The following NDUFAF6 variants were observed in gnomAD, a reference collection of about 807,000 sequenced individuals.
The protein encoded by NDUFAF6 is NADH dehydrogenase (ubiquinone) complex I, assembly factor 6.
Under a neutral mutation model 40.8 loss-of-function variants are expected in NDUFAF6, and 45 were observed. That is an observed-to-expected ratio of 1.10 (90% confidence interval 0.87 to 1.42). The LOEUF is 1.42. Among genes scored for constraint, NDUFAF6 ranks in the 40% most tolerant of loss-of-function variants. The pLI, the probability that NDUFAF6 is intolerant of heterozygous loss-of-function variation, is 0.00. For missense variants in NDUFAF6, 435 were observed against 418.5 expected (o/e 1.04, Z -0.34); for synonymous variants, 185 against 155.9 (o/e 1.19, Z -1.39).
intron 7 of NDUFAF6, among the ~76,000 whole-genome samples, chr8:95,051,499 G>A (rs1227340661): frequency 6.6e-6 from 1 of 152,128 alleles, no homozygotes; most frequent in Non-Finnish European, 1.5e-5. Flanking sequence ...GAAGTAGAGG[G>A]CTTTTCCTGG....
chr8:95,098,069 A>T (rs1474795790), upstream of NDUFAF6, among the ~76,000 whole-genome samples: 1 of 151,500 alleles, frequency 6.6e-6, no homozygotes, highest in African/African-American at 2.4e-5. Flanking sequence ...AGAGCAGCTC[A>T]TGTCTTGGTG....
At chr8:94,977,458 G>A (rs145329668) in intron 1 of NDUFAF6, among the ~76,000 whole-genome samples, 1 of 151,336 alleles carries the variant, frequency 6.6e-6, no homozygotes, top group Non-Finnish European at 1.5e-5. Context: ...GGGACATTGA[G>A]GCTGCTGTGA....
intron 1 of NDUFAF6, chr8:94,940,282 T>C: frequency 1.3e-6 from 2 of 1,520,928 alleles, no homozygotes; most frequent in Non-Finnish European, 1.8e-6. Flanking sequence ...GGAGGATGAT[T>C]ATCACATTGG....
chr8:94,944,558 A>G (rs1198051317), intron 1 of NDUFAF6, among the ~76,000 whole-genome samples: 1 of 152,196 alleles, frequency 6.6e-6, no homozygotes, highest in African/African-American at 2.4e-5. Flanking sequence ...GATGTCCCAT[A>G]TCTCTGCAAG....
chr8:94,918,091 T>C (rs1249400349), intron 1 of NDUFAF6, among the ~76,000 whole-genome samples: 1 of 152,084 alleles, frequency 6.6e-6, no homozygotes, highest in Non-Finnish European at 1.5e-5. Context: ...ATATTTGTAA[T>C]TTTTTTTCCA....
At chr8:94,901,740 C>A (rs1209972899) in intron 1 of NDUFAF6, among the ~76,000 whole-genome samples, 2 of 152,128 alleles carry the variant, frequency 1.3e-5, no homozygotes, top group African/African-American at 4.8e-5. Flanking sequence ...CGTCACCATT[C>A]CTGGCTAAGT....
chr8:94,959,075 A>G (rs1309288452), intron 1 of NDUFAF6, among the ~76,000 whole-genome samples: 1 of 151,702 alleles, frequency 6.6e-6, no homozygotes, highest in Non-Finnish European at 1.5e-5. Context: ...GGCTGCGGGA[A>G]AGAGGGGGTG....
chr8:94,948,276 T>G (rs1251648677), intron 2 of NDUFAF6, among the ~76,000 whole-genome samples: 1 of 152,210 alleles, frequency 6.6e-6, no homozygotes, highest in Non-Finnish European at 1.5e-5. Flanking sequence ...TTGAGCAACT[T>G]AATCTCTCTG....
upstream of NDUFAF6, among the ~76,000 whole-genome samples, chr8:94,956,100 T>A (rs939218529): frequency 6.6e-6 from 1 of 152,236 alleles, no homozygotes; most frequent in Non-Finnish European, 1.5e-5. Context: ...GCTTGACCTC[T>A]CTTAGCCTCC....
exon 2 of NDUFAF6, chr8:94,945,520 A>G (rs887410224): frequency 3.3e-5 from 5 of 152,284 alleles, no homozygotes; most frequent in African/African-American, 9.6e-5. Context: ...CTACCCTCCT[A>G]CTGATGACCC....
chr8:94,941,020 G>A, intron 1 of NDUFAF6: 1 of 1,018,526 alleles, frequency 9.8e-7, no homozygotes, highest in Non-Finnish European at 1.5e-6. Context: ...TTGGCCCAAT[G>A]GTACCGACAG....
At chr8:95,027,148 G>C (rs757703675) in intron 1 of NDUFAF6, among the ~76,000 whole-genome samples, 7 of 152,188 alleles carry the variant, frequency 4.6e-5, no homozygotes, top group Non-Finnish European at 1.0e-4. Context: ...CAAATGGTCA[G>C]TTACTTAAAC....
In NDUFAF6 at chr8:95,052,155, C is replaced by T. The variant is rs184151462; in HGVS notation, c.817-19C>T. 1 of 1,613,812 alleles carries T rather than the reference C, an allele frequency of 6.2e-7. No individual in the cohort carries two copies. Among genetic ancestry groups the T allele is most frequent in the East Asian group, 2.2e-5 (1 of 44,868 alleles). ...ATTTGCTTAATTTTGAACGAGCTTC[C>T]TCTCCTCTTCCTTTTTAGGCTAGGT... On this transcript the variant is annotated intron_variant, in intron 7 of 8. Transcript: ENST00000396124.
intron 1 of NDUFAF6, among the ~76,000 whole-genome samples, chr8:94,968,837 G>A (rs1324470525): frequency 6.6e-6 from 1 of 152,116 alleles, no homozygotes; most frequent in African/African-American, 2.4e-5. Flanking sequence ...ATGCAGGTGG[G>A]GAGGAGTGAC....
chr8:95,057,896 C>G lies in NDUFAF6; in HGVS notation c.961C>G (p.Pro321Ala), dbSNP rs770285873. 3 of 1,569,038 alleles carry G rather than the reference C, an allele frequency of 1.9e-6. No individual in the cohort carries two copies. The African/African-American group carries it at 4.1e-5, about 21-fold the overall frequency. The change falls in exon 9 of 9, where the codon CCA becomes GCA. Residue 321 changes from proline (P) to alanine (A), a missense_variant. Pro to Ala is a conservative substitution (Grantham distance 27). Coordinates refer to ENST00000396124, the MANE Select transcript of NDUFAF6 (RefSeq NM_152416.4). ...PSLQQKNTLL[P>A]LYLYIQSWRK... is the part of the protein sequence containing the mutation. ...TTTACAGCAGAAGAATACATTACTT[C>G]CATTATATTTGTATATTCAGTCATG...
chr8:94,969,357 C>T (rs1563757017), intron 1 of NDUFAF6, among the ~76,000 whole-genome samples: 3 of 152,188 alleles, frequency 2.0e-5, no homozygotes. Context: ...GTGCTGTTGC[C>T]CTTTCACATG....
intron 2 of NDUFAF6, among the ~76,000 whole-genome samples, chr8:95,013,001 C>G (rs908634225): frequency 1.3e-5 from 2 of 152,188 alleles, no homozygotes; most frequent in African/African-American, 4.8e-5. Context: ...ACCTACTACT[C>G]CCAAATTCCA....
intron 1 of NDUFAF6, chr8:94,927,225 C>A (rs1289254164): frequency 1.3e-5 from 2 of 152,530 alleles, no homozygotes; most frequent in Non-Finnish European, 2.9e-5. Context: ...AATGAAGATA[C>A]TCTTCCTTGC....
At chr8:95,075,853 A>G (rs1587241930) in exon 10 of NDUFAF6, 3 of 455,750 alleles carry the variant, frequency 6.6e-6, no homozygotes, top group Admixed American at 2.9e-5. Flanking sequence ...GAATTACCAG[A>G]GGAGAATCTT....
Sources: gnomAD v4.1 joint callset for allele counts (sites outside exome capture counted in the v4.1 genomes callset) on GRCh38, gnomAD v4.1.1 for gene constraint, MANE v1.5 for transcripts, NCBI Gene and HGNC (gene_info 2026-07-23, HGNC 2026-07-21) for gene names.